The following SOCS6 variants were observed in gnomAD, a reference collection of about 807,000 sequenced individuals.
The protein encoded by SOCS6 is STAT induced STAT inhibitor-4.
Under a neutral mutation model 27.7 loss-of-function variants are expected in SOCS6, and 5 were observed. That is an observed-to-expected ratio of 0.18 (90% confidence interval 0.09 to 0.38). SOCS6 has a LOEUF of 0.38. Among genes scored for constraint, SOCS6 ranks in the 10% least tolerant of loss-of-function variants. The probability of loss-of-function intolerance (pLI) is 1.00; values close to 1 mark genes in which losing one functional copy is unlikely to be tolerated. For missense variants in SOCS6, 595 were observed against 688.1 expected, an observed-to-expected ratio of 0.86 and a Z score of 1.51; for synonymous variants, 271 against 260.0, an observed-to-expected ratio of 1.04 and a Z score of -0.41.
chr18:70,321,509 T>A (rs1455588271), intron 1 of SOCS6, among the ~76,000 whole-genome samples: 1 of 146,922 alleles, frequency 6.8e-6, no homozygotes, highest in Non-Finnish European at 1.5e-5. Context: ...TTTTTTTGTA[T>A]TTTTAGTAGA....
intron 1 of SOCS6, among the ~76,000 whole-genome samples, chr18:70,321,506 G>A (rs9965264): frequency 1.5e-5 from 1 of 67,302 alleles, no homozygotes; most frequent in Non-Finnish European, 2.9e-5. Context: ...TTTTTTTTTT[G>A]TATTTTTAGT....
Position 70,325,250 on chromosome 18 carries a change from G to T in SOCS6, c.582G>T (p.Ser194=), listed in dbSNP as rs577555556. The T allele has an allele frequency of 1.2e-6, 2 of 1,614,050 alleles. No individual in the cohort carries two copies. The highest frequency in any genetic ancestry group is 2.7e-5 in the African/African-American group (2 of 74,908). ...CQEQANSLKS[S]ASHNGDLHLH... Reference sequence around the variant, plus strand: ...AGCAAGCCAATTCACTGAAGAGCTCGGCTTCTCATAATGGAGACCTGCATC... The same window carrying T: ...AGCAAGCCAATTCACTGAAGAGCTCTGCTTCTCATAATGGAGACCTGCATC... Residue 194 remains serine (S), a synonymous_variant, in exon 2 of 2, where the codon TCG becomes TCT. Transcript: ENST00000397942. The surrounding 1 kb of genome is among the most constrained non-coding windows in gnomAD (Gnocchi z 6.3).
chr18:70,308,671 C>T (rs761898781), intron 1 of SOCS6, among the ~76,000 whole-genome samples: 10 of 152,112 alleles, frequency 6.6e-5, no homozygotes, highest in Non-Finnish European at 1.2e-4. Flanking sequence ...TTGAAATCTT[C>T]AGGTATTATT....
intron 1 of SOCS6, among the ~76,000 whole-genome samples, chr18:70,294,484 T>C (rs2062314900): frequency 6.6e-6 from 1 of 152,114 alleles, no homozygotes; most frequent in Non-Finnish European, 1.5e-5. Context: ...TGGTAATAAT[T>C]CCTATTTAAA....
chr18:70,325,448 C>T lies in SOCS6; in HGVS notation c.780C>T (p.Arg260=), dbSNP rs1047657. Residue 260 remains arginine, a synonymous_variant, in exon 2 of 2, where the codon CGC becomes CGT. Transcript: ENST00000397942. This position sits in a 1 kb window ranked among gnomAD's most constrained non-coding sequence, Gnocchi z 6.3. Reference sequence around the variant, plus strand: ...CGGTTCCTCCTCAAGTGGGAGGGCGCGCTTTCCCCGAGGATGAGAGTCAGG... The same window carrying T: ...CGGTTCCTCCTCAAGTGGGAGGGCGTGCTTTCCCCGAGGATGAGAGTCAGG... ...VSAVPPQVGG[R]AFPEDESQVD... 0.1 allele frequency: 168,646 copies of T among 1,613,984 alleles called. 9,453 individuals carry two copies. Among genetic ancestry groups the T allele is most frequent in the Middle Eastern group, 0.18 (1,071 of 6,062 alleles).
chr18:70,322,074 C>G (rs559683492), intron 1 of SOCS6, among the ~76,000 whole-genome samples: 3 of 152,198 alleles, frequency 2.0e-5, no homozygotes, highest in Non-Finnish European at 4.4e-5. Context: ...AGAAGTTATC[C>G]TTTACCCATA....
Position 70,326,138 on chromosome 18 carries a change from A to G in SOCS6, c.1470A>G (p.Pro490=), listed in dbSNP as rs1309579213. The G allele has an allele frequency of 6.2e-7, 1 of 1,614,152 alleles. No individual in the cohort carries two copies. ...SATYPVRLTN[P]VSRFMQVRSL... ...CTTACCCCGTCAGACTGACCAACCC[A>G]GTGTCCCGGTTCATGCAGGTGCGCT... Residue 490 remains proline (P), a synonymous_variant, in exon 2 of 2, where the codon CCA becomes CCG. Transcript: ENST00000397942.
In SOCS6 at chr18:70,327,955, C is replaced by T. The variant is rs1911273875; in HGVS notation, c.*1679C>T. 6.0e-6 allele frequency: 1 copy of T among 166,936 alleles called. No homozygotes were observed. Among genetic ancestry groups the T allele is most frequent in the African/African-American group, 2.4e-5 (1 of 41,422 alleles). 10.3% of individuals were successfully genotyped at this position (166,936 alleles called of 1,614,324 possible). ...ACTGAGATATTACCAAGAAAAGGCA[C>T]AATGCCATAATATTATGGTGTTATG... On this transcript the variant is annotated 3_prime_UTR_variant, in exon 2 of 2. Coordinates refer to ENST00000397942, the MANE Select transcript of SOCS6 (RefSeq NM_004232.4).
intron 1 of SOCS6, among the ~76,000 whole-genome samples, chr18:70,308,901 A>C (rs1365541160): frequency 2.0e-5 from 3 of 152,118 alleles, no homozygotes; most frequent in African/African-American, 7.2e-5. Flanking sequence ...TTTACATGGA[A>C]ATTTTTTCCT....
chr18:70,328,374 C>G lies in SOCS6; in HGVS notation c.*2098C>G, dbSNP rs1460061365. The G allele has an allele frequency of 1.2e-5, 2 of 166,610 alleles. No individual in the cohort carries two copies. The highest frequency in any genetic ancestry group is 1.3e-4 in the Admixed American group (2 of 15,268). The allele number at this position is 166,610 out of a possible 1,614,324, so 10.3% of individuals were successfully genotyped here. A position where few individuals can be genotyped will look rare whatever the true frequency, so the allele number is the denominator to read the frequency against. ...CATTTACATGTCCTCCTTGTGAGAT[C>G]ATGGTGCACAGAGGTCTTTGGACTG... On this transcript the variant is annotated 3_prime_UTR_variant, in exon 2 of 2. Coordinates refer to ENST00000397942, the MANE Select transcript of SOCS6 (RefSeq NM_004232.4).
chr18:70,297,175 C>G (rs1470669159), intron 1 of SOCS6, among the ~76,000 whole-genome samples: 1 of 152,096 alleles, frequency 6.6e-6, no homozygotes, highest in East Asian at 1.9e-4. Context: ...AACCTTTTCT[C>G]AGGCTGGTTT....
chr18:70,293,717 A>G (rs370045653), intron 1 of SOCS6, among the ~76,000 whole-genome samples: 6 of 152,078 alleles, frequency 3.9e-5, no homozygotes, highest in African/African-American at 1.2e-4. Context: ...TATAGGGTAG[A>G]TTAAAACAAA....
chr18:70,321,114 A>G (rs893234550), intron 1 of SOCS6, among the ~76,000 whole-genome samples: 10 of 151,874 alleles, frequency 6.6e-5, no homozygotes, highest in Admixed American at 5.9e-4. Context: ...CTCTACAAAA[A>G]GTAGACAAAA....
intron 1 of SOCS6, among the ~76,000 whole-genome samples, chr18:70,320,411 A>C (rs1025568183): frequency 6.6e-6 from 1 of 152,208 alleles, no homozygotes; most frequent in Non-Finnish European, 1.5e-5. Flanking sequence ...TTATATGAAA[A>C]GGTTATTAAA....
intron 1 of SOCS6, among the ~76,000 whole-genome samples, chr18:70,313,913 A>G (rs1260691114): frequency 2.6e-5 from 4 of 152,130 alleles, no homozygotes; most frequent in Non-Finnish European, 5.9e-5. Flanking sequence ...TTTTGACAGG[A>G]TTGGATTGTT....
At chr18:70,289,728 G>T (rs2062290238) in intron 1 of SOCS6, among the ~76,000 whole-genome samples, 1 of 151,930 alleles carries the variant, frequency 6.6e-6, no homozygotes, top group African/African-American at 2.4e-5. Context: ...GCAGGCCGGG[G>T]CTGCTCTGCG....
At chr18:70,300,147 A>G (rs1408976090) in intron 1 of SOCS6, among the ~76,000 whole-genome samples, 1 of 151,444 alleles carries the variant, frequency 6.6e-6, no homozygotes, top group Non-Finnish European at 1.5e-5. Context: ...TTTTTTCCTT[A>G]AGACTTAGTC....
At chr18:70,307,810 G>A (rs2062375448) in intron 1 of SOCS6, among the ~76,000 whole-genome samples, 2 of 151,806 alleles carry the variant, frequency 1.3e-5, no homozygotes, top group African/African-American at 4.8e-5. Context: ...GGTTTTATTT[G>A]TTTTTTCCCT....
At position 70,312,748 on chromosome 18, in the gene SOCS6, T is replaced by G. The variant is rs112938574; in HGVS notation, c.-126-11795T>G. 5.5e-4 allele frequency among the ~76,000 whole-genome samples: 84 copies of G among 151,534 alleles called. 1 individual carries two copies. Among genetic ancestry groups the G allele is most frequent in the African/African-American group, 2.0e-3 (81 of 41,344 alleles). ...ACCACAATCAAGATATAGAACAATT[T>G]CCATTACGCCAAAATTCTTTGGATT... On this transcript the variant is annotated intron_variant, in intron 1 of 1. Coordinates refer to ENST00000397942, the MANE Select transcript of SOCS6 (RefSeq NM_004232.4).
Sources: gnomAD v4.1 joint callset for allele counts (sites outside exome capture counted in the v4.1 genomes callset) on GRCh38, gnomAD v4.1.1 for gene constraint, Gnocchi (gnomAD v3.1) non-coding constraint, MANE v1.5 for transcripts, NCBI Gene and HGNC (gene_info 2026-07-23, HGNC 2026-07-21) for gene names.